The following GLCE variants were observed in gnomAD, a reference collection of about 807,000 sequenced individuals.
GLCE encodes the protein glucuronic acid epimerase.
A neutral mutation model predicts 47.9 loss-of-function variants in GLCE; 19 were observed. That is an observed-to-expected ratio of 0.40 (90% CI 0.28 to 0.58). The LOEUF (loss-of-function observed/expected upper bound fraction) is 0.58, where lower values mean the gene tolerates loss of function less well. GLCE is among the 20% of genes least tolerant of loss of function. The pLI, the probability that GLCE is intolerant of heterozygous loss-of-function variation, is 0.48. For missense variants in GLCE, 556 were observed against 743.3 expected (o/e 0.75, Z 2.93); for synonymous variants, 245 against 263.4 (o/e 0.93, Z 0.68).
At chr15:69,211,095 T>C (rs1410535070) in intron 2 of GLCE, among the ~76,000 whole-genome samples, 2 of 152,224 alleles carry the variant, frequency 1.3e-5, no homozygotes, top group East Asian at 3.9e-4. Flanking sequence ...ATACAGGAAC[T>C]CTAATTTCTT....
At chr15:69,260,403 G>C (rs2052997305) in intron 3 of GLCE, among the ~76,000 whole-genome samples, 1 of 152,026 alleles carries the variant, frequency 6.6e-6, no homozygotes, top group African/African-American at 2.4e-5. Flanking sequence ...GGGATTACAG[G>C]TACCTGCCAC....
intron 2 of GLCE, among the ~76,000 whole-genome samples, chr15:69,232,684 GT>G: frequency 6.6e-6 from 1 of 152,076 alleles, no homozygotes; most frequent in Non-Finnish European, 1.5e-5. Context: ...AAAAATAAGT[GT>G]TTAGAATAGC....
Position 69,261,087 on chromosome 15 carries a change from G to C in GLCE, c.587G>C (p.Gly196Ala). 6.2e-7 allele frequency: 1 copy of C among 1,610,858 alleles called. No homozygotes were observed. Among genetic ancestry groups the C allele is most frequent in the Non-Finnish European group, 8.5e-7 (1 of 1,177,526 alleles). ...TTCATTTTGTTTCTCTATTTTATAGGTGTGCCATTATCTACACAATGGGGA... is the reference window on the plus strand; with the variant it reads ...TTCATTTTGTTTCTCTATTTTATAGCTGTGCCATTATCTACACAATGGGGA... ...DRVKCISGVE[G>A]VPLSTQWGPQ... Residue 196 changes from glycine (G) to alanine (A), a missense_variant and splice_region_variant, in exon 4 of 5, where the codon GGT becomes GCT. Around this residue, in one of 3 missense-constraint regions of GLCE, gnomAD observed 237 missense variants for 310.9 expected, o/e 0.76. Transcript: ENST00000261858.
intron 2 of GLCE, among the ~76,000 whole-genome samples, chr15:69,229,208 A>G (rs764840605): frequency 5.3e-5 from 8 of 152,242 alleles, no homozygotes; most frequent in Non-Finnish European, 7.3e-5. Context: ...ATAATTCTAA[A>G]TTCATGTGAA....
chr15:69,217,967 A>AACAT (rs1306682064), intron 2 of GLCE, among the ~76,000 whole-genome samples: 1 of 151,474 alleles, frequency 6.6e-6, no homozygotes, highest in Non-Finnish European at 1.5e-5. Context: ...CAACCTGGCC[A>AACAT]ACATGGTGAA....
In GLCE at chr15:69,161,409, G is replaced by A. The variant is rs2051418683; in HGVS notation, c.-105+652G>A. Reference sequence around the variant, plus strand: ...CCTTGGGGGGTTGTTGGGGGCTGAGGGTGTGTAGCGGCGACCAGCGTCTGG... The same window carrying A: ...CCTTGGGGGGTTGTTGGGGGCTGAGAGTGTGTAGCGGCGACCAGCGTCTGG... On this transcript the variant is annotated intron_variant, in intron 1 of 4. Transcript: ENST00000261858. Among the ~76,000 whole-genome samples, 6 of 152,016 alleles carry A rather than the reference G, an allele frequency of 3.9e-5. No individual in the cohort carries two copies. In the South Asian group the frequency reaches 1.0e-3, roughly 26 times the overall value.
chr15:69,189,816 AT>A (rs1054715995), intron 1 of GLCE, among the ~76,000 whole-genome samples: 174 of 151,082 alleles, frequency 1.2e-3, no homozygotes, highest in African/African-American at 3.5e-3. Context: ...TCTCTTTCTA[AT>A]TTTTTTTTAA....
chr15:69,267,757 A>G (rs979704931), intron 4 of GLCE, among the ~76,000 whole-genome samples: 1 of 152,062 alleles, frequency 6.6e-6, no homozygotes, highest in Admixed American at 6.5e-5. Context: ...GTAAGTACAT[A>G]TTAAATGTTA....
intron 1 of GLCE, among the ~76,000 whole-genome samples, chr15:69,176,039 G>A (rs2051657037): frequency 6.6e-6 from 1 of 151,914 alleles, no homozygotes; most frequent in Non-Finnish European, 1.5e-5. Context: ...CTCATTTTTA[G>A]AAGCTACATG....
At chr15:69,172,901 T>G (rs970825454) in intron 1 of GLCE, among the ~76,000 whole-genome samples, 1 of 152,226 alleles carries the variant, frequency 6.6e-6, no homozygotes, top group African/African-American at 2.4e-5. Context: ...ACGAAATATG[T>G]TATAAGATTT....
chr15:69,194,181 C>T (rs2051953884), intron 1 of GLCE, among the ~76,000 whole-genome samples: 1 of 152,126 alleles, frequency 6.6e-6, no homozygotes, highest in Non-Finnish European at 1.5e-5. Context: ...GCCCACTGGG[C>T]ATGCAGCTGT....
intron 2 of GLCE, among the ~76,000 whole-genome samples, chr15:69,218,064 G>C (rs1012596013): frequency 7.0e-6 from 1 of 143,168 alleles, no homozygotes; most frequent in African/African-American, 2.6e-5. Flanking sequence ...CAAGGCAGGA[G>C]AATCAATTGA....
chr15:69,182,269 T>TTGTGTGTGTG (rs34135980), intron 1 of GLCE, among the ~76,000 whole-genome samples: 25 of 144,918 alleles, frequency 1.7e-4, no homozygotes, highest in African/African-American at 5.1e-5. Context: ...CATCGTGTAT[T>TTGTGTGTGTG]TGTGTGTGTG....
At chr15:69,245,053 C>A (rs4777129) in intron 2 of GLCE, among the ~76,000 whole-genome samples, 1 of 151,832 alleles carries the variant, frequency 6.6e-6, no homozygotes, top group Non-Finnish European at 1.5e-5. Context: ...CATACCTGGC[C>A]GGGTGCAGTG....
In GLCE at chr15:69,162,795, G is replaced by T. The variant is rs2051444875; in HGVS notation, c.-105+2038G>T. Among the ~76,000 whole-genome samples the T allele has an allele frequency of 3.3e-5, 5 of 152,238 alleles. No individual in the cohort carries two copies. The South Asian group carries it at 1.0e-3, about 32-fold the overall frequency. The stretch of plus-strand genomic sequence containing the variant: ...AGACAAGGTCTTGCGCTGTTGCCCA[G>T]TCTGGTCTTGAACTCCTGGCCTCAA... On this transcript the variant is annotated intron_variant, in intron 1 of 4. Transcript: ENST00000261858.
intron 4 of GLCE, among the ~76,000 whole-genome samples, chr15:69,261,764 G>A (rs1052120901): frequency 1.3e-5 from 2 of 152,072 alleles, no homozygotes; most frequent in Non-Finnish European, 2.9e-5. Context: ...GGATAATAGA[G>A]CATTACCAAA....
chr15:69,190,481 A>G (rs991104978), intron 1 of GLCE, among the ~76,000 whole-genome samples: 1 of 152,140 alleles, frequency 6.6e-6, no homozygotes, highest in African/African-American at 2.4e-5. Context: ...TTACTAGCTT[A>G]GGATTTTTCT....
chr15:69,176,271 G>A (rs1420268220), intron 1 of GLCE, among the ~76,000 whole-genome samples: 1 of 135,244 alleles, frequency 7.4e-6, no homozygotes, highest in Admixed American at 8.1e-5. Context: ...TGCCCAGGCT[G>A]GAGTGCAGTG....
chr15:69,189,211 C>T (rs1421718487), intron 1 of GLCE, among the ~76,000 whole-genome samples: 1 of 152,176 alleles, frequency 6.6e-6, no homozygotes, highest in African/African-American at 2.4e-5. Flanking sequence ...CCAGTTAACC[C>T]CTGGCAACCA....
Sources: gnomAD v4.1 joint callset for allele counts (sites outside exome capture counted in the v4.1 genomes callset) on GRCh38, gnomAD v4.1.1 for gene constraint, gnomAD v4.1.1 regional missense constraint, MANE v1.5 for transcripts, NCBI Gene and HGNC (gene_info 2026-07-23, HGNC 2026-07-21) for gene names.